Variants in PRUNE2 observed in about 807,000 individuals in gnomAD.
PRUNE2 encodes protein prune homolog 2.
A neutral mutation model predicts 252.0 loss-of-function variants in PRUNE2; 164 were observed. That is an observed-to-expected ratio of 0.65 (90% CI 0.57 to 0.74). The LOEUF is 0.74. Ranked by LOEUF, PRUNE2 falls within the 30% of genes least tolerant of loss-of-function variation. The probability of loss-of-function intolerance (pLI) is 0.00; values close to 1 mark genes in which losing one functional copy is unlikely to be tolerated. For missense variants in PRUNE2, 3,495 were observed against 3,711.0 expected (o/e 0.94, Z 1.51); for synonymous variants, 1,292 against 1,350.2 (o/e 0.96, Z 0.94).
At chr9:76,744,210 T>TTTA (rs1413022671) in intron 6 of PRUNE2, among the ~76,000 whole-genome samples, 3 of 152,230 alleles carry the variant, frequency 2.0e-5, no homozygotes, top group African/African-American at 7.2e-5. Flanking sequence ...ATTATAATCA[T>TTTA]TTATTCTGTT....
intron 6 of PRUNE2, chr9:76,783,974 C>T (rs2054701747): frequency 2.0e-5 from 3 of 152,232 alleles, no homozygotes; most frequent in South Asian, 4.1e-4. Context: ...TTCCTACTCA[C>T]TGTCCTCCCG....
chr9:76,840,654 C>G (rs1323813001), intron 4 of PRUNE2, among the ~76,000 whole-genome samples: 1 of 152,094 alleles, frequency 6.6e-6, no homozygotes. Context: ...CATAAAATAT[C>G]GGCATTCTTT....
intron 6 of PRUNE2, among the ~76,000 whole-genome samples, chr9:76,735,823 T>C (rs928459666): frequency 6.6e-6 from 1 of 152,296 alleles, no homozygotes; most frequent in South Asian, 2.1e-4. Context: ...ATTTAACAGA[T>C]GAGAAAGCTG....
intron 6 of PRUNE2, among the ~76,000 whole-genome samples, chr9:76,768,966 A>G (rs1458329761): frequency 6.6e-6 from 1 of 152,222 alleles, no homozygotes; most frequent in Non-Finnish European, 1.5e-5. Flanking sequence ...AAACAAAGAT[A>G]TATAACTCGA....
Position 76,652,535 on chromosome 9 carries a change from C to A in PRUNE2, c.8505G>T (p.Val2835=). ...CTTCATCGGGGGTATCAAGTTCATCCACATTGATGTCAATTTCATCTGGAC... is the reference window on the plus strand; with the variant it reads ...CTTCATCGGGGGTATCAAGTTCATCAACATTGATGTCAATTTCATCTGGAC... ...LDSPDEIDIN[V]DELDTPDEAD... is the part of the protein sequence containing the mutation. The change falls in exon 11 of 19, where the codon GTG becomes GTT. Residue 2835 remains valine, a synonymous_variant. Transcript: ENST00000376718. 6.2e-7 allele frequency: 1 copy of A among 1,613,400 alleles called. No homozygotes were observed.
chr9:76,722,860 T>A (rs2047764903), intron 6 of PRUNE2, among the ~76,000 whole-genome samples: 1 of 152,360 alleles, frequency 6.6e-6, no homozygotes, highest in Admixed American at 6.5e-5. Context: ...TTTTCACTCC[T>A]GTTTTATCCT....
At chr9:76,720,937 T>G (rs944993202) in intron 6 of PRUNE2, among the ~76,000 whole-genome samples, 5 of 152,000 alleles carry the variant, frequency 3.3e-5, no homozygotes, top group Admixed American at 6.6e-5. Context: ...CCATCTCCAC[T>G]AAAAATACAA....
intron 15 of PRUNE2, among the ~76,000 whole-genome samples, chr9:76,634,754 T>A (rs1275859867): frequency 6.6e-6 from 1 of 152,246 alleles, no homozygotes; most frequent in East Asian, 1.9e-4. Context: ...GTCTAAAGTT[T>A]ATCTTTTAAC....
At chr9:76,615,508 C>CAGT (rs1385368556) in intron 18 of PRUNE2, among the ~76,000 whole-genome samples, 1 of 152,160 alleles carries the variant, frequency 6.6e-6, no homozygotes, top group Non-Finnish European at 1.5e-5. Context: ...ATCCAGTTTA[C>CAGT]AGTAGTAAAG....
At chr9:76,796,248 T>C (rs1282435390) in intron 6 of PRUNE2, among the ~76,000 whole-genome samples, 1 of 152,086 alleles carries the variant, frequency 6.6e-6, no homozygotes, top group Non-Finnish European at 1.5e-5. Context: ...GAAGAGGAAC[T>C]GTAGAAGGGA....
At chr9:76,868,794 T>C in intron 1 of PRUNE2, 1 of 132,196 alleles carries the variant, frequency 7.6e-6, no homozygotes, top group South Asian at 2.5e-4. Flanking sequence ...TTGAAAAAAA[T>C]TGTGATTCAT....
chr9:76,613,390 C>T lies in PRUNE2; in HGVS notation c.*1180G>A, dbSNP rs1828049349. The T allele has an allele frequency of 6.6e-6, 1 of 152,158 alleles. No individual in the cohort carries two copies. The highest frequency in any genetic ancestry group is 2.1e-4 in the South Asian group (1 of 4,834). The allele number at this position is 152,158 out of a possible 1,614,324, so 9.4% of individuals were successfully genotyped here. A position where few individuals can be genotyped will look rare whatever the true frequency, so the allele number is the denominator to read the frequency against. On this transcript the variant is annotated 3_prime_UTR_variant, in exon 19 of 19. Coordinates refer to ENST00000376718, the MANE Select transcript of PRUNE2 (RefSeq NM_015225.3). ...AGTGTGAAAGTAGCTGTAGACAGTA[C>T]AAAAACAAGTTTGTGTGGCTGTGTT...
At chr9:76,859,183 T>C (rs1589628052) in intron 1 of PRUNE2, among the ~76,000 whole-genome samples, 1 of 152,328 alleles carries the variant, frequency 6.6e-6, no homozygotes, top group East Asian at 1.9e-4. Flanking sequence ...CAGAATCTTT[T>C]CATAATCAAT....
Position 76,706,471 on chromosome 9 carries a change from C to A in PRUNE2, c.5803G>T (p.Asp1935Tyr), listed in dbSNP as rs117689627. ...GACACAAAGGTTTGCTCTCTTGAGTCCTTTTCTTTAATTTGGTCTAATTTT... is the reference window on the plus strand; with the variant it reads ...GACACAAAGGTTTGCTCTCTTGAGTACTTTTCTTTAATTTGGTCTAATTTT... ...LVKLDQIKEK[D>Y]SREQTFVSAA... Residue 1935 changes from aspartate to tyrosine, a missense_variant, in exon 8 of 19, where the codon GAC (aspartate) becomes TAC (tyrosine). Transcript: ENST00000376718. 1.9e-4 allele frequency: 300 copies of A among 1,613,924 alleles called. No individual in the cohort carries two copies. In the East Asian group the frequency reaches 4.6e-3, roughly 25 times the overall value.
At chr9:76,642,050 A>C in intron 12 of PRUNE2, 1 of 1,083,686 alleles carries the variant, frequency 9.2e-7, no homozygotes, top group Non-Finnish European at 1.3e-6. Flanking sequence ...CCTTGTTAAA[A>C]TTACTTGGCA....
In PRUNE2 at chr9:76,866,770, A is replaced by G. The variant is rs1422135612; in HGVS notation, c.37-12562T>C. 2.0e-5 allele frequency among the ~76,000 whole-genome samples: 3 copies of G among 152,150 alleles called. No homozygotes were observed. The East Asian group carries it at 5.8e-4, about 29-fold the overall frequency. On this transcript the variant is annotated intron_variant, in intron 1 of 18. Coordinates refer to ENST00000376718, the MANE Select transcript of PRUNE2 (RefSeq NM_015225.3). ...GGTAAGAAAGGAGGAAGGGAAAGAAAAGAGAGCGAGAGAAAGAGCGAGAGA... is the reference window on the plus strand; with the variant it reads ...GGTAAGAAAGGAGGAAGGGAAAGAAGAGAGAGCGAGAGAAAGAGCGAGAGA...
chr9:76,820,984 GAAGA>G (rs2058007571), intron 6 of PRUNE2, among the ~76,000 whole-genome samples: 1 of 152,180 alleles, frequency 6.6e-6, no homozygotes, highest in Non-Finnish European at 1.5e-5. Context: ...ACAGAAAACT[GAAGA>G]GAGAGAGAAG....
chr9:76,636,349 G>C (rs1433240894), intron 15 of PRUNE2, 122 bp downstream of exon 15: 1 of 649,550 alleles, frequency 1.5e-6, no homozygotes, highest in Non-Finnish European at 2.7e-6. Flanking sequence ...TTCTAGGAAA[G>C]ACAGAGACAA....
chr9:76,862,881 C>A (rs139700188), intron 1 of PRUNE2: 21 of 152,232 alleles, frequency 1.4e-4, no homozygotes, highest in Non-Finnish European at 2.2e-4. Flanking sequence ...TTCTTTTCAA[C>A]TTCTAAAATT....
Sources: allele counts gnomAD v4.1 joint callset (sites outside exome capture counted in the v4.1 genomes callset), GRCh38; gene constraint gnomAD v4.1.1; transcripts MANE v1.5; gene names NCBI Gene and HGNC (gene_info 2026-07-23, HGNC 2026-07-21).